PPM1L: variants seen among roughly 807,000 people sequenced by gnomAD.
The protein encoded by PPM1L is protein phosphatase, Mg2+/Mn2+ dependent 1L, also known as protein phosphatase 1L.
Under a neutral mutation model 31.4 loss-of-function variants are expected in PPM1L, and 13 were observed. The observed-to-expected ratio is 0.41, with a 90% CI of 0.27 to 0.66. PPM1L has a LOEUF of 0.66. Ranked by LOEUF, PPM1L falls within the 30% of genes least tolerant of loss-of-function variation. The probability of loss-of-function intolerance (pLI) is 0.29; values close to 1 mark genes in which losing one functional copy is unlikely to be tolerated. For synonymous variants in PPM1L, 184 were observed against 175.4 expected (o/e 1.05, Z -0.39); for missense variants, 326 against 453.7 (o/e 0.72, Z 2.56).
At chr3:160,976,197 A>T (rs1716566329) in intron 2 of PPM1L, among the ~76,000 whole-genome samples, 1 of 131,292 alleles carries the variant, frequency 7.6e-6, no homozygotes, top group Admixed American at 8.2e-5. Context: ...CATATATTGA[A>T]CCAGCCTTGC....
At position 161,065,455 on chromosome 3, in the gene PPM1L, C is replaced by T. The variant is rs775202341; in HGVS notation, c.627C>T (p.Asn209=). 2.0e-5 allele frequency: 33 copies of T among 1,613,970 alleles called. No homozygotes were observed. The highest frequency in any genetic ancestry group is 6.7e-5 in the African/African-American group (5 of 74,904). ...CAGATAAAGACCTCACTGTGGCCAACGTGGGTGACTCGCGCGGGGTCCTGT... is the reference window on the plus strand; with the variant it reads ...CAGATAAAGACCTCACTGTGGCCAATGTGGGTGACTCGCGCGGGGTCCTGT... ...LLSDKDLTVA[N]VGDSRGVLCD... Residue 209 remains asparagine (N), a synonymous_variant, in exon 3 of 4, where the codon AAC becomes AAT. Transcript: ENST00000498165.
chr3:160,913,823 C>T (rs1334029875), intron 1 of PPM1L, among the ~76,000 whole-genome samples: 1 of 152,012 alleles, frequency 6.6e-6, no homozygotes, highest in Non-Finnish European at 1.5e-5. Context: ...TGAGTTGTTT[C>T]CAGTTTTCTG....
intron 2 of PPM1L, among the ~76,000 whole-genome samples, chr3:161,054,413 C>G (rs553650075): frequency 1.3e-5 from 2 of 151,954 alleles, no homozygotes; most frequent in Non-Finnish European, 2.9e-5. Context: ...GGGATAAAGC[C>G]TCTAAGCAGG....
At chr3:160,782,233 AGT>A (rs1711767956) in intron 1 of PPM1L, among the ~76,000 whole-genome samples, 1 of 152,046 alleles carries the variant, frequency 6.6e-6, no homozygotes, top group Admixed American at 6.6e-5. Context: ...TCTTCCGCAG[AGT>A]GTCATGACAG....
chr3:161,012,738 T>G (rs557994333), intron 2 of PPM1L, among the ~76,000 whole-genome samples: 351 of 152,318 alleles, frequency 2.3e-3, no homozygotes, highest in African/African-American at 8.3e-3. Flanking sequence ...CTTCCTGGTT[T>G]AGTCTTGGGA....
intron 1 of PPM1L, among the ~76,000 whole-genome samples, chr3:160,943,436 G>A (rs1014455014): frequency 3.9e-5 from 6 of 152,114 alleles, no homozygotes; most frequent in African/African-American, 1.2e-4. Context: ...ATTCCCTGAT[G>A]GCACTCATTA....
In PPM1L at chr3:160,886,371, G is replaced by A. The variant is rs567922440; in HGVS notation, c.400-75365G>A. ...AAGGGACAAAGTGCTTCGTTAAATG[G>A]GTCCTGTTCCCTGTACCACCTAAAT... On this transcript the variant is annotated intron_variant, in intron 1 of 3. Transcript: ENST00000498165. Among the ~76,000 whole-genome samples, 3 of 152,264 alleles carry A rather than the reference G, an allele frequency of 2.0e-5. No homozygotes were observed. In the South Asian group the frequency reaches 6.2e-4, roughly 32 times the overall value.
chr3:160,936,023 G>T (rs1184286952), intron 1 of PPM1L, among the ~76,000 whole-genome samples: 1 of 152,152 alleles, frequency 6.6e-6, no homozygotes. Context: ...GAAGAGCTTT[G>T]AAGTGGGTCG....
Position 161,069,224 on chromosome 3 carries a change from T to C in PPM1L, c.*67T>C. The C allele has an allele frequency of 1.6e-6, 2 of 1,215,058 alleles. No homozygotes were observed. Among genetic ancestry groups the C allele is most frequent in the South Asian group, 1.5e-5 (1 of 65,888 alleles). The allele number at this position is 1,215,058 out of a possible 1,614,324, so 75.3% of individuals were successfully genotyped here. A position where few individuals can be genotyped will look rare whatever the true frequency, so the allele number is the denominator to read the frequency against. On this transcript the variant is annotated 3_prime_UTR_variant, in exon 4 of 4. Coordinates refer to ENST00000498165, the MANE Select transcript of PPM1L (RefSeq NM_139245.4). ...AACACACTGGTCTCTTTTAATTTAG[T>C]GAAAAGTGTGGGAGTTGTAATTAGG...
intron 1 of PPM1L, among the ~76,000 whole-genome samples, chr3:160,896,707 A>T (rs1467525153): frequency 6.6e-6 from 1 of 152,210 alleles, no homozygotes; most frequent in Non-Finnish European, 1.5e-5. Context: ...AAAAGAAAAG[A>T]TATTTATTGG....
chr3:160,959,961 T>C (rs1011490194), intron 1 of PPM1L, among the ~76,000 whole-genome samples: 1 of 152,176 alleles, frequency 6.6e-6, no homozygotes. Context: ...TATGCTCATA[T>C]ATATGTATAT....
intron 2 of PPM1L, among the ~76,000 whole-genome samples, chr3:161,026,708 A>G (rs4991223): frequency 1.5e-4 from 22 of 144,174 alleles, no homozygotes; most frequent in Non-Finnish European, 3.0e-4. Context: ...AAAAAAAAAA[A>G]AAAAGAAAAT....
chr3:161,042,575 A>G (rs1435001521), intron 2 of PPM1L, among the ~76,000 whole-genome samples: 1 of 152,200 alleles, frequency 6.6e-6, no homozygotes, highest in Non-Finnish European at 1.5e-5. Flanking sequence ...TGTGCTGTCT[A>G]TGGGCCTAGA....
intron 1 of PPM1L, among the ~76,000 whole-genome samples, chr3:160,879,455 A>G (rs949782040): frequency 2.6e-5 from 4 of 152,054 alleles, no homozygotes; most frequent in Non-Finnish European, 5.9e-5. Flanking sequence ...CCCCCTCCCC[A>G]GTTGCTATCA....
rs1230127195 is a variant in PPM1L, at chr3:161,074,368, A to C, written c.*5211A>C. On this transcript the variant is annotated 3_prime_UTR_variant, in exon 4 of 4. Transcript: ENST00000498165. Reference sequence around the variant, plus strand: ...AGAAATAGGTTTGGGAAGCTATGAGAGATTACCCCAAAGTCATGGATGAAA... The same window carrying C: ...AGAAATAGGTTTGGGAAGCTATGAGCGATTACCCCAAAGTCATGGATGAAA... 6.6e-6 allele frequency: 1 copy of C among 152,264 alleles called. No homozygotes were observed. The highest frequency in any genetic ancestry group is 2.4e-5 in the African/African-American group (1 of 41,478). The allele number at this position is 152,264 out of a possible 1,614,324, so 9.4% of individuals were successfully genotyped here.
At chr3:161,062,850 C>T (rs1277575608) in intron 2 of PPM1L, among the ~76,000 whole-genome samples, 1 of 152,134 alleles carries the variant, frequency 6.6e-6, no homozygotes, top group South Asian at 2.1e-4. Flanking sequence ...TCCTTGGATC[C>T]CCTGGAGTAC....
intron 2 of PPM1L, among the ~76,000 whole-genome samples, chr3:161,054,740 C>T (rs1719366828): frequency 6.6e-6 from 1 of 152,118 alleles, no homozygotes; most frequent in Non-Finnish European, 1.5e-5. Context: ...AATAGTACAT[C>T]ATAGGCTATT....
intron 2 of PPM1L, among the ~76,000 whole-genome samples, chr3:161,002,914 A>G (rs1189750431): frequency 6.8e-6 from 1 of 146,930 alleles, no homozygotes; most frequent in African/African-American, 2.5e-5. Context: ...GTCCTTGCCC[A>G]TGCCTATGTC....
At chr3:161,014,750 G>A (rs1301154428) in intron 2 of PPM1L, among the ~76,000 whole-genome samples, 7 of 152,146 alleles carry the variant, frequency 4.6e-5, no homozygotes, top group East Asian at 1.9e-4. Context: ...GATTATAGGC[G>A]TGAGCCACTG....
Sources: allele counts gnomAD v4.1 joint callset (sites outside exome capture counted in the v4.1 genomes callset), GRCh38; gene constraint gnomAD v4.1.1; transcripts MANE v1.5; gene names NCBI Gene and HGNC (gene_info 2026-07-23, HGNC 2026-07-21).